The following PARP15 variants were observed in gnomAD, a reference collection of about 807,000 sequenced individuals.
PARP15 encodes protein mono-ADP-ribosyltransferase PARP15.
In PARP15, 50 loss-of-function variants were observed where a neutral mutation model predicts 62.1. That is an observed-to-expected ratio of 0.81 (90% CI 0.64 to 1.02). The LOEUF is 1.02. PARP15 is among the 50% of genes least tolerant of loss of function. PARP15 has a pLI of 0.00. For synonymous variants in PARP15, 309 were observed against 293.1 expected (o/e 1.05, Z -0.55); for missense variants, 820 against 826.5 (o/e 0.99, Z 0.10).
intron 1 of PARP15, among the ~76,000 whole-genome samples, chr3:122,584,707 A>G (rs1933278149): frequency 6.6e-6 from 1 of 151,424 alleles, no homozygotes; most frequent in South Asian, 2.1e-4. Context: ...CCTCCCAAGT[A>G]TCTGGGATTA....
intron 1 of PARP15, among the ~76,000 whole-genome samples, chr3:122,584,673 G>A (rs1258314319): frequency 6.8e-6 from 1 of 147,644 alleles, no homozygotes; most frequent in Admixed American, 7.0e-5. Context: ...CACACCCCGG[G>A]TTCAGGCGAT....
intron 1 of PARP15, among the ~76,000 whole-genome samples, chr3:122,597,594 A>T (rs1934457607): frequency 6.6e-6 from 1 of 152,108 alleles, no homozygotes; most frequent in Non-Finnish European, 1.5e-5. Context: ...CATCCTAAGA[A>T]ATATATTTTA....
chr3:122,618,829 C>A (rs913323335), intron 6 of PARP15, among the ~76,000 whole-genome samples: 1 of 152,152 alleles, frequency 6.6e-6, no homozygotes, highest in African/African-American at 2.4e-5. Context: ...GAGGTGCTGC[C>A]TGCTCGCCTT....
At chr3:122,621,174 A>T (rs1471762500) in intron 7 of PARP15, among the ~76,000 whole-genome samples, 1 of 152,142 alleles carries the variant, frequency 6.6e-6, no homozygotes, top group Non-Finnish European at 1.5e-5. Flanking sequence ...TACCTGCCTC[A>T]TAGGCTTGTT....
In PARP15 at chr3:122,637,365, G is replaced by C. The variant is rs1013801173; in HGVS notation, c.*1265G>C. ...ATTAGTGGAAAACTCTTTTTCAAAA[G>C]TTGAAATCAGTTCCTCTGTGTCTAT... On this transcript the variant is annotated 3_prime_UTR_variant, in exon 12 of 12. Transcript: ENST00000464300. 3.3e-5 allele frequency: 5 copies of C among 152,092 alleles called. No individual in the cohort carries two copies. The highest frequency in any genetic ancestry group is 2.6e-4 in the Admixed American group (4 of 15,272). 9.4% of individuals were successfully genotyped at this position (152,092 alleles called of 1,614,324 possible). A position where few individuals can be genotyped will look rare whatever the true frequency, so the allele number is the denominator to read the frequency against.
chr3:122,586,673 C>A (rs1452133940), intron 1 of PARP15, among the ~76,000 whole-genome samples: 1 of 152,092 alleles, frequency 6.6e-6, no homozygotes, highest in Non-Finnish European at 1.5e-5. Context: ...AGGTTCCCAG[C>A]ACAATTTAGC....
chr3:122,604,451 CT>C (rs1935019472), intron 1 of PARP15, among the ~76,000 whole-genome samples: 1 of 152,186 alleles, frequency 6.6e-6, no homozygotes, highest in South Asian at 2.1e-4. Context: ...GGTGCAGTGG[CT>C]TATGCTTGTA....
chr3:122,599,112 G>A (rs1375862893), intron 1 of PARP15, among the ~76,000 whole-genome samples: 1 of 152,172 alleles, frequency 6.6e-6, no homozygotes, highest in Non-Finnish European at 1.5e-5. Context: ...GGGCAGGCTG[G>A]TCTTGAACTC....
chr3:122,588,046 A>G (rs1409323686), intron 1 of PARP15, among the ~76,000 whole-genome samples: 1 of 152,158 alleles, frequency 6.6e-6, no homozygotes, highest in Non-Finnish European at 1.5e-5. Context: ...ATTTTCTCCC[A>G]GTCTGTGGAA....
intron 10 of PARP15, among the ~76,000 whole-genome samples, chr3:122,633,356 G>C (rs1218829321): frequency 6.6e-6 from 1 of 152,198 alleles, no homozygotes; most frequent in Non-Finnish European, 1.5e-5. Context: ...CCTGCAGGAA[G>C]GACAGAATTT....
intron 9 of PARP15, 143 bp from the exon 10 acceptor site, chr3:122,631,943 A>G: frequency 2.4e-6 from 2 of 829,914 alleles, no homozygotes; most frequent in Non-Finnish European, 3.9e-6. Context: ...ACTGAGGATA[A>G]TAGAAGAAGC....
At position 122,615,854 on chromosome 3, in the gene PARP15, C is replaced by T. The variant is rs1310924176; in HGVS notation, c.847C>T (p.Gln283Ter). The T allele has an allele frequency of 6.2e-7, 1 of 1,611,212 alleles. No homozygotes were observed. The change falls in exon 5 of 12, where the codon CAA becomes TAA. Residue 283 changes from glutamine (Q) to a stop codon, truncating the protein, a stop_gained. Coordinates refer to ENST00000464300, the MANE Select transcript of PARP15 (RefSeq NM_001113523.3). LOFTEE classifies it high-confidence loss of function. ...CAGGATTCCCATGGCAGGAGATACC[C>T]AAGGTCTGGTAAAGTCGTTCTGCTA... ...KARIPMAGDT[Q>*]GVVGTVSKPC...
At chr3:122,634,986 C>A in intron 10 of PARP15, 34 bp from the exon 11 acceptor site, 2 of 1,607,550 alleles carry the variant, frequency 1.2e-6, no homozygotes, top group Non-Finnish European at 1.7e-6. Flanking sequence ...CCCCAAGGTC[C>A]TTTCTGAAAT....
intron 9 of PARP15, among the ~76,000 whole-genome samples, chr3:122,631,076 G>A (rs1937035821): frequency 6.6e-6 from 1 of 152,172 alleles, no homozygotes; most frequent in African/African-American, 2.4e-5. Flanking sequence ...TACTTCCCAG[G>A]CTTGCCTGCT....
chr3:122,589,103 C>G (rs2107814093), intron 1 of PARP15, among the ~76,000 whole-genome samples: 1 of 152,264 alleles, frequency 6.6e-6, no homozygotes, highest in East Asian at 1.9e-4. Context: ...CAAAAATGAA[C>G]TTTTTTTCTC....
At chr3:122,623,708 T>C (rs1332587490) in intron 8 of PARP15, among the ~76,000 whole-genome samples, 4 of 152,356 alleles carry the variant, frequency 2.6e-5, no homozygotes, top group South Asian at 4.1e-4. Flanking sequence ...GATCTTTATG[T>C]CTTCTCTGCC....
At position 122,602,322 on chromosome 3, in the gene PARP15, G is replaced by T. The variant is rs141059107; in HGVS notation, c.187-3614G>T. Among the ~76,000 whole-genome samples the T allele has an allele frequency of 5.2e-3, 795 of 152,242 alleles. 7 individuals carry two copies. The highest frequency in any genetic ancestry group is 0.018 in the African/African-American group (754 of 41,548). ...GATGGTACGTAGACAATAACTGACT[G>T]GTATGGAGGTAGAGGAACTGAGCTC... On this transcript the variant is annotated intron_variant, in intron 1 of 11. Transcript: ENST00000464300.
intron 1 of PARP15, among the ~76,000 whole-genome samples, chr3:122,588,881 A>G (rs1304775596): frequency 6.6e-6 from 1 of 152,190 alleles, no homozygotes; most frequent in Non-Finnish European, 1.5e-5. Flanking sequence ...TTTTCCAGGT[A>G]TGTTGCAGAA....
chr3:122,621,677 C>T lies in PARP15; in HGVS notation c.1231+66C>T, dbSNP rs529405973. The T allele has an allele frequency of 2.1e-6, 3 of 1,431,868 alleles. No individual in the cohort carries two copies. The East Asian group carries it at 7.1e-5, about 34-fold the overall frequency. 88.7% of individuals were successfully genotyped at this position (1,431,868 alleles called of 1,614,324 possible). On this transcript the variant is annotated intron_variant, in intron 8 of 11. Coordinates refer to ENST00000464300, the MANE Select transcript of PARP15 (RefSeq NM_001113523.3). ...AAATTCCTTTAGAATTAGTCTCACT[C>T]TTAAGCAGATCAGTGCTGAATCCAT... is the stretch of plus-strand genomic sequence containing the variant.
Sources: gnomAD v4.1 joint callset for allele counts (sites outside exome capture counted in the v4.1 genomes callset) on GRCh38, gnomAD v4.1.1 for gene constraint, MANE v1.5 for transcripts, NCBI Gene and HGNC (gene_info 2026-07-23, HGNC 2026-07-21) for gene names.